UGGT1: variants seen among roughly 807,000 people sequenced by gnomAD.
UGGT1 encodes the protein UDP-glucose glycoprotein glucosyltransferase 1.
A neutral mutation model predicts 203.9 loss-of-function variants in UGGT1; 107 were observed. That is an observed-to-expected ratio of 0.52 (90% CI 0.45 to 0.62). The LOEUF (loss-of-function observed/expected upper bound fraction) is 0.62. Ranked by LOEUF, UGGT1 falls within the 20% of genes least tolerant of loss-of-function variation. The pLI, the probability that UGGT1 is intolerant of heterozygous loss-of-function variation, is 0.00. For synonymous variants in UGGT1, 628 were observed against 653.5 expected (o/e 0.96, Z 0.59); for missense variants, 1,673 against 1,867.2 (o/e 0.90, Z 1.92).
rs1573647140 is a variant in UGGT1, at chr2:128,191,224, T to C, written c.*1482T>C. The C allele has an allele frequency of 1.3e-5, 2 of 152,362 alleles. No homozygotes were observed. Among genetic ancestry groups the C allele is most frequent in the South Asian group, 2.1e-4 (1 of 4,828 alleles). The allele number at this position is 152,362 out of a possible 1,614,324, so 9.4% of individuals were successfully genotyped here. A position where few individuals can be genotyped will look rare whatever the true frequency, so the allele number is the denominator to read the frequency against. On this transcript the variant is annotated 3_prime_UTR_variant, in exon 41 of 41. Transcript: ENST00000259253. ...CCTCACCCTCCTAAGCCAGGTAATATATTGATGTGCAGACTTTTAAGAAAT... is the reference window on the plus strand; with the variant it reads ...CCTCACCCTCCTAAGCCAGGTAATACATTGATGTGCAGACTTTTAAGAAAT...
rs191214238 is a variant in UGGT1, at chr2:128,127,482, A to G, written c.1226+30A>G. Reference sequence around the variant, plus strand: ...GGATAATATTTTTCATTCTCTGAAAAGTTTTTGTAATGCGTAGCACCTTGT... The same window carrying G: ...GGATAATATTTTTCATTCTCTGAAAGGTTTTTGTAATGCGTAGCACCTTGT... On this transcript the variant is annotated intron_variant, in intron 12 of 40. Coordinates refer to ENST00000259253, the MANE Select transcript of UGGT1 (RefSeq NM_020120.4). 245 of 1,514,068 alleles carry G rather than the reference A, an allele frequency of 1.6e-4. 1 individual carries two copies. Among genetic ancestry groups the G allele is most frequent in the Non-Finnish European group, 9.1e-6 (10 of 1,093,588 alleles). 93.8% of individuals were successfully genotyped at this position (1,514,068 alleles called of 1,614,324 possible).
intron 19 of UGGT1, 93 bp downstream of exon 19, chr2:128,152,997 T>C: frequency 3.2e-6 from 5 of 1,572,890 alleles, no homozygotes; most frequent in Non-Finnish European, 4.3e-6. Context: ...GATTATCTTC[T>C]GCAGTGTTCA....
chr2:128,160,774 A>G (rs1334781031), intron 24 of UGGT1, among the ~76,000 whole-genome samples, 183 bp downstream of exon 24: 9 of 152,192 alleles, frequency 5.9e-5, no homozygotes, highest in African/African-American at 2.2e-4. Flanking sequence ...GACATAGACA[A>G]ATATCCCCAT....
chr2:128,093,117 G>T (rs905922074), intron 1 of UGGT1, among the ~76,000 whole-genome samples: 1 of 152,164 alleles, frequency 6.6e-6, no homozygotes, highest in South Asian at 2.1e-4. Context: ...GGGTCAGAGT[G>T]GCAAAGCTCT....
In UGGT1 at chr2:128,193,451, C is replaced by G. The variant is rs1465079713; in HGVS notation, c.*3709C>G. 6.6e-6 allele frequency: 1 copy of G among 152,022 alleles called. No homozygotes were observed. Among genetic ancestry groups the G allele is most frequent in the Non-Finnish European group, 1.5e-5 (1 of 68,082 alleles). The allele number at this position is 152,022 out of a possible 1,614,324, so 9.4% of individuals were successfully genotyped here. ...ATTTTTAGTAGAGATGGGGTTTTAC[C>G]ATGTTGGTTGGCCAGGCTGATCTCA... is the stretch of plus-strand genomic sequence containing the variant. On this transcript the variant is annotated 3_prime_UTR_variant, in exon 41 of 41. Transcript: ENST00000259253.
intron 7 of UGGT1, 54 bp downstream of exon 7, chr2:128,115,274 G>A: frequency 1.3e-6 from 2 of 1,489,836 alleles, no homozygotes; most frequent in African/African-American, 2.8e-5. Flanking sequence ...AGTTAAAGGG[G>A]AGTTTGTTTC....
chr2:128,127,861 G>T (rs1688675480), intron 12 of UGGT1, among the ~76,000 whole-genome samples: 1 of 152,130 alleles, frequency 6.6e-6, no homozygotes, highest in Non-Finnish European at 1.5e-5. Context: ...ATCACTTGAG[G>T]TCAGGAGTTC....
At chr2:128,108,996 A>G (rs1043757028) in intron 4 of UGGT1, among the ~76,000 whole-genome samples, 20 of 151,626 alleles carry the variant, frequency 1.3e-4, no homozygotes, top group African/African-American at 4.4e-4. Context: ...TGCAACCTCC[A>G]CCTCCTGGGT....
intron 15 of UGGT1, among the ~76,000 whole-genome samples, chr2:128,136,895 T>A (rs1689152326): frequency 6.6e-6 from 1 of 152,206 alleles, no homozygotes; most frequent in Non-Finnish European, 1.5e-5. Context: ...ATTTAGGATT[T>A]TGGTCATTCT....
intron 17 of UGGT1, among the ~76,000 whole-genome samples, chr2:128,145,000 T>C (rs146722659): frequency 6.6e-6 from 1 of 152,328 alleles, no homozygotes; most frequent in East Asian, 1.9e-4. Context: ...AATGTCTGTC[T>C]TAGGTACATT....
At chr2:128,167,698 C>G (rs1200064227) in intron 26 of UGGT1, among the ~76,000 whole-genome samples, 4 of 152,206 alleles carry the variant, frequency 2.6e-5, no homozygotes, top group Non-Finnish European at 5.9e-5. Flanking sequence ...TAGTTTTATT[C>G]TGGTCTTTTC....
intron 39 of UGGT1, 73 bp downstream of exon 39, chr2:128,186,872 A>T: frequency 8.8e-7 from 1 of 1,130,884 alleles, no homozygotes; most frequent in Non-Finnish European, 1.3e-6. Context: ...AATGATTTTT[A>T]TTTAGATTCT....
chr2:128,170,165 A>G, intron 26 of UGGT1, 123 bp from the exon 27 acceptor site: 1 of 723,938 alleles, frequency 1.4e-6, no homozygotes, highest in East Asian at 2.7e-5. Flanking sequence ...CCACTGTCAT[A>G]GTCTAGTCTT....
intron 2 of UGGT1, among the ~76,000 whole-genome samples, chr2:128,102,077 C>G (rs1347104779): frequency 6.6e-6 from 1 of 152,180 alleles, no homozygotes; most frequent in Admixed American, 6.5e-5. Context: ...ATCACCACCC[C>G]CTTCTCTCCT....
Position 128,116,314 on chromosome 2 carries a change from G to A in UGGT1, c.843G>A (p.Glu281=). The change falls in exon 8 of 41, where the codon GAG becomes GAA. Residue 281 remains glutamate (E), a synonymous_variant. Transcript: ENST00000259253. ...TTGGTGAAAATGATCCTATTGATGA[G>A]GTTCAGGGGTTCCTCTTTGGAAAAT... ...TVIGENDPID[E]VQGFLFGKLR... is the part of the protein sequence containing the mutation. 6.2e-7 allele frequency: 1 copy of A among 1,611,858 alleles called. No individual in the cohort carries two copies. The highest frequency in any genetic ancestry group is 8.5e-7 in the Non-Finnish European group (1 of 1,178,150).
In UGGT1 at chr2:128,161,278, G is replaced by T. The variant is rs775034947; in HGVS notation, c.2825+10G>T. The stretch of plus-strand genomic sequence containing the variant: ...GGGTAGAAGAAGATGTGTAAGTTTT[G>T]CCATAGGAGGAATTACAGGGGTTAT... On this transcript the variant is annotated intron_variant, in intron 25 of 40. Coordinates refer to ENST00000259253, the MANE Select transcript of UGGT1 (RefSeq NM_020120.4). The T allele has an allele frequency of 2.5e-6, 4 of 1,612,292 alleles. No homozygotes were observed. In the Admixed American group the frequency reaches 6.7e-5, roughly 27 times the overall value.
intron 12 of UGGT1, among the ~76,000 whole-genome samples, chr2:128,128,691 T>A (rs146416694): frequency 2.0e-5 from 3 of 152,358 alleles, no homozygotes; most frequent in African/African-American, 7.2e-5. Context: ...TCTGTGGTCA[T>A]ATGTTTGCCT....
At chr2:128,131,767 A>G (rs1688890818) in intron 13 of UGGT1, among the ~76,000 whole-genome samples, 1 of 152,128 alleles carries the variant, frequency 6.6e-6, no homozygotes, top group Non-Finnish European at 1.5e-5. Flanking sequence ...AGCTGGGACT[A>G]CAGGCGCACA....
intron 30 of UGGT1, among the ~76,000 whole-genome samples, chr2:128,174,490 G>T (rs879698609): frequency 6.6e-6 from 1 of 151,938 alleles, no homozygotes; most frequent in Non-Finnish European, 1.5e-5. Flanking sequence ...TAGTAGAGAT[G>T]GGGTTTCACC....
Sources: gnomAD v4.1 joint callset for allele counts (sites outside exome capture counted in the v4.1 genomes callset) on GRCh38, gnomAD v4.1.1 for gene constraint, MANE v1.5 for transcripts, NCBI Gene and HGNC (gene_info 2026-07-23, HGNC 2026-07-21) for gene names.